The following MYCBP2 variants were observed in gnomAD, a reference collection of about 807,000 sequenced individuals.
MYCBP2 encodes MYC binding protein 2, also known as E3 ubiquitin-protein ligase MYCBP2.
MYCBP2 carries 120 observed loss-of-function variants against 525.3 expected under a neutral mutation model. The observed-to-expected ratio is 0.23, with a 90% CI of 0.20 to 0.27. MYCBP2 has a LOEUF of 0.27. Among genes scored for constraint, MYCBP2 ranks in the 10% least tolerant of loss-of-function variants. The probability of loss-of-function intolerance (pLI) is 1.00; values close to 1 mark genes in which losing one functional copy is unlikely to be tolerated. For synonymous variants in MYCBP2, 1,894 were observed against 1,955.8 expected (o/e 0.97, Z 0.83); for missense variants, 4,149 against 5,657.1 (o/e 0.73, Z 8.55).
chr13:77,212,703 A>T (rs1002330749), intron 21 of MYCBP2, among the ~76,000 whole-genome samples: 3 of 152,252 alleles, frequency 2.0e-5, no homozygotes, highest in Non-Finnish European at 4.4e-5. Flanking sequence ...ATGTTTTAAA[A>T]TAAACAGCAC....
In MYCBP2 at chr13:77,267,904, T is replaced by C; in HGVS notation, c.1294A>G (p.Ser432Gly). 1 of 1,613,892 alleles carries C rather than the reference T, an allele frequency of 6.2e-7. No homozygotes were observed. The highest frequency in any genetic ancestry group is 1.3e-5 in the African/African-American group (1 of 75,036). The change falls in exon 8 of 83, where the codon AGC (serine) becomes GGC (glycine). Residue 432 changes from serine to glycine, a missense_variant. By Grantham distance (56) the Ser-to-Gly change is moderately conservative (BLOSUM62 0). Coordinates refer to ENST00000544440, the MANE Select transcript of MYCBP2 (RefSeq NM_015057.5). Reference sequence around the variant, plus strand: ...GGGCTTATCCTTATGGCTGTCATGCTGTGGTTATTCACATCTCTATATAAT... The same window carrying C: ...GGGCTTATCCTTATGGCTGTCATGCCGTGGTTATTCACATCTCTATATAAT... Reference protein sequence around the residue: ...YLLYRDVNNHSMTAIRISPET... With the variant: ...YLLYRDVNNHGMTAIRISPET...
intron 40 of MYCBP2, among the ~76,000 whole-genome samples, chr13:77,167,133 T>G (rs2058640674): frequency 6.6e-6 from 1 of 152,158 alleles, no homozygotes; most frequent in African/African-American, 2.4e-5. Flanking sequence ...GGTCCTTGTT[T>G]GAATTAGTAT....
intron 62 of MYCBP2, among the ~76,000 whole-genome samples, chr13:77,087,146 C>A (rs953129570): frequency 6.6e-6 from 1 of 152,096 alleles, no homozygotes; most frequent in Admixed American, 6.6e-5. Context: ...ATGCCATTCA[C>A]ATAATTTCAG....
At chr13:77,178,807 C>T (rs2059951774) in intron 34 of MYCBP2, among the ~76,000 whole-genome samples, 1 of 152,174 alleles carries the variant, frequency 6.6e-6, no homozygotes, top group South Asian at 2.1e-4. Flanking sequence ...TTTTGGTATT[C>T]CTTTTCATTG....
chr13:77,264,085 G>A (rs1471537667), intron 8 of MYCBP2, 83 bp from the exon 9 acceptor site: 2 of 1,059,722 alleles, frequency 1.9e-6, no homozygotes, highest in Non-Finnish European at 2.8e-6. Context: ...AAGTCAAAAT[G>A]AGAGTTCTCC....
intron 23 of MYCBP2, among the ~76,000 whole-genome samples, chr13:77,207,628 TA>T (rs531552818): frequency 8.5e-4 from 129 of 152,326 alleles, no homozygotes; most frequent in African/African-American, 3.0e-3. Flanking sequence ...TAAAAAATTT[TA>T]AATTATTTTT....
chr13:77,093,952 A>G (rs1406094029), intron 58 of MYCBP2, among the ~76,000 whole-genome samples: 1 of 152,176 alleles, frequency 6.6e-6, no homozygotes, highest in Non-Finnish European at 1.5e-5. Flanking sequence ...ACGTTTTACA[A>G]TTTGATTCTT....
intron 82 of MYCBP2, 49 bp from the exon 83 acceptor site, chr13:77,045,542 C>A: frequency 8.9e-7 from 1 of 1,125,078 alleles, no homozygotes. Flanking sequence ...TAAGAATACA[C>A]ACATATAAAC....
rs1010028374 is a variant in MYCBP2 at position 77,212,412 on chromosome 13, T to C, written c.3058-252A>G. Reference sequence around the variant, plus strand: ...TTTTAAAAAAAAGTTTGAAATATTTTCCACGCAAGAAGTATCTCCAAAATA... The same window carrying C: ...TTTTAAAAAAAAGTTTGAAATATTTCCCACGCAAGAAGTATCTCCAAAATA... On this transcript the variant is annotated intron_variant, in intron 21 of 82. Coordinates refer to ENST00000544440, the MANE Select transcript of MYCBP2 (RefSeq NM_015057.5). 4.6e-5 allele frequency among the ~76,000 whole-genome samples: 7 copies of C among 152,198 alleles called. No individual in the cohort carries two copies. The South Asian group carries it at 6.2e-4, about 13-fold the overall frequency.
chr13:77,199,175 T>C (rs1215109728), intron 26 of MYCBP2, among the ~76,000 whole-genome samples: 1 of 152,166 alleles, frequency 6.6e-6, no homozygotes, highest in African/African-American at 2.4e-5. Flanking sequence ...AGCAGGACAG[T>C]GGGTGTGCGC....
chr13:77,318,407 T>C (rs1482940109), intron 1 of MYCBP2, among the ~76,000 whole-genome samples: 1 of 152,220 alleles, frequency 6.6e-6, no homozygotes, highest in East Asian at 1.9e-4. Context: ...GAGTAGACAT[T>C]TGAAAAAATA....
rs1214192517 is a variant in MYCBP2 at position 77,294,123 on chromosome 13, T to C, written c.378+2476A>G. Among the ~76,000 whole-genome samples, 13 of 66,334 alleles carry C rather than the reference T, an allele frequency of 2.0e-4. 1 individual carries two copies. The highest frequency in any genetic ancestry group is 2.8e-4 in the African/African-American group (7 of 25,138). 43.5% of individuals were successfully genotyped at this position (66,334 alleles called of 152,430 possible). On this transcript the variant is annotated intron_variant, in intron 2 of 82. Coordinates refer to ENST00000544440, the MANE Select transcript of MYCBP2 (RefSeq NM_015057.5). ...TAATGGCTATATATATATATATATATATATATACATATATATATACATATA... is the reference window on the plus strand; with the variant it reads ...TAATGGCTATATATATATATATATACATATATACATATATATATACATATA...
chr13:77,275,099 A>G (rs1343298848), intron 4 of MYCBP2, among the ~76,000 whole-genome samples: 1 of 152,226 alleles, frequency 6.6e-6, no homozygotes, highest in Non-Finnish European at 1.5e-5. Flanking sequence ...ACTGGCAACT[A>G]TTCTACACTA....
At chr13:77,283,201 C>A (rs1267627864) in intron 3 of MYCBP2, among the ~76,000 whole-genome samples, 1 of 152,138 alleles carries the variant, frequency 6.6e-6, no homozygotes, top group African/African-American at 2.4e-5. Context: ...TTAAAATCTT[C>A]AATATTTACT....
At chr13:77,218,592 C>G (rs1325473521) in intron 20 of MYCBP2, among the ~76,000 whole-genome samples, 1 of 152,168 alleles carries the variant, frequency 6.6e-6, no homozygotes, top group African/African-American at 2.4e-5. Context: ...TCCTCTTTAT[C>G]ACATGGAGAA....
In MYCBP2 at chr13:77,081,235, A is replaced by G. The variant is rs2043254285; in HGVS notation, c.11418+192T>C. The G allele has an allele frequency of 3.5e-6, 2 of 567,546 alleles. No individual in the cohort carries two copies. Among genetic ancestry groups the G allele is most frequent in the East Asian group, 2.9e-5 (1 of 34,682 alleles). 35.2% of individuals were successfully genotyped at this position (567,546 alleles called of 1,614,324 possible). On this transcript the variant is annotated intron_variant, in intron 65 of 82. Transcript: ENST00000544440. This position sits in a 1 kb window ranked among gnomAD's most constrained non-coding sequence, Gnocchi z 4.6. The stretch of plus-strand genomic sequence containing the variant: ...TTTGTAATCAGACCTCTTTTCAGAA[A>G]TGGAATTCCACAGTGCTCCCAATCA...
chr13:77,128,561 AT>A (rs2052118073), intron 52 of MYCBP2, among the ~76,000 whole-genome samples: 1 of 151,950 alleles, frequency 6.6e-6, no homozygotes, highest in Non-Finnish European at 1.5e-5. Flanking sequence ...ATAATATTTT[AT>A]TGAAAAGGTA....
At chr13:77,134,049 T>G (rs1052960440) in intron 52 of MYCBP2, among the ~76,000 whole-genome samples, 1 of 152,066 alleles carries the variant, frequency 6.6e-6, no homozygotes, top group African/African-American at 2.4e-5. Flanking sequence ...AGAACTCAAA[T>G]ATTTACTAAA....
At chr13:77,069,804 C>T (rs1181616660) in intron 69 of MYCBP2, among the ~76,000 whole-genome samples, 1 of 151,302 alleles carries the variant, frequency 6.6e-6, no homozygotes, top group Non-Finnish European at 1.5e-5. Context: ...GGAGGCGGAG[C>T]TTGCAGTGGG....
Sources: gnomAD v4.1 joint callset for allele counts (sites outside exome capture counted in the v4.1 genomes callset) on GRCh38, gnomAD v4.1.1 for gene constraint, Gnocchi (gnomAD v3.1) non-coding constraint, MANE v1.5 for transcripts, NCBI Gene and HGNC (gene_info 2026-07-23, HGNC 2026-07-21) for gene names.